The following TNFRSF10C variants were observed in gnomAD, a reference collection of about 807,000 sequenced individuals.
The protein encoded by TNFRSF10C is tumor necrosis factor receptor superfamily member 10C.
In TNFRSF10C, 17 loss-of-function variants were observed where a neutral mutation model predicts 16.7. The ratio of observed to expected loss-of-function variants is 1.02; its 90% confidence interval spans 0.70 to 1.53. The LOEUF (loss-of-function observed/expected upper bound fraction) is 1.53, where lower values mean the gene tolerates loss of function less well. Ranked by LOEUF, TNFRSF10C falls within the 40% of genes most tolerant of loss-of-function variation. TNFRSF10C has a pLI of 0.00. For missense variants in TNFRSF10C, 237 were observed against 329.7 expected (o/e 0.72, Z 2.18); for synonymous variants, 73 against 119.7 (o/e 0.61, Z 2.55).
In TNFRSF10C at chr8:23,114,068, A is replaced by G. The variant is rs1245932037; in HGVS notation, c.167-589A>G. On this transcript the variant is annotated intron_variant, in intron 2 of 4. Transcript: ENST00000356864. The stretch of plus-strand genomic sequence containing the variant: ...ACAAGGTTGGTGGGGCCTCTCGGGG[A>G]TGGTGATTTGGGCTGATATTTAAAG... Among the ~76,000 whole-genome samples, 5 of 152,066 alleles carry G rather than the reference A, an allele frequency of 3.3e-5. No individual in the cohort carries two copies. The South Asian group carries it at 8.3e-4, about 25-fold the overall frequency.
chr8:23,113,235 C>A (rs915299979), intron 2 of TNFRSF10C, among the ~76,000 whole-genome samples: 3 of 152,188 alleles, frequency 2.0e-5, no homozygotes, highest in Admixed American at 2.0e-4. Context: ...TATTGACCCT[C>A]ATTCTGTAGG....
chr8:23,116,551 G>T, intron 4 of TNFRSF10C, 90 bp from the exon 5 acceptor site: 1 of 1,513,918 alleles, frequency 6.6e-7, no homozygotes. Flanking sequence ...ACCTTCTCAG[G>T]GACATTGGAG....
rs150502977 is a variant in TNFRSF10C at position 23,114,707 on chromosome 8, G to A, written c.217G>A (p.Val73Met). Residue 73 changes from valine (V) to methionine (M), a missense_variant, in exon 3 of 5, where the codon GTG (valine) becomes ATG (methionine). Val to Met is a conservative substitution (Grantham distance 21, BLOSUM62 1). Around this residue, in one of 2 missense-constraint regions of TNFRSF10C, gnomAD observed 212 missense variants for 196.8 expected, o/e 1.08. Transcript: ENST00000356864. ...AGCCTGTAACCCGTGCACAGAGGGT[G>A]TGGATTACACCAACGCTTCCAACAA... ...TGACNPCTEG[V>M]DYTNASNNEP... is the part of the protein sequence containing the mutation. 1.6e-4 allele frequency: 260 copies of A among 1,614,128 alleles called. No individual in the cohort carries two copies. In the African/African-American group the frequency reaches 2.7e-3, roughly 17 times the overall value.
Position 23,117,083 on chromosome 8 carries a change from C to T in TNFRSF10C, c.*52C>T, listed in dbSNP as rs756963326. 2.8e-5 allele frequency: 45 copies of T among 1,589,544 alleles called. No homozygotes were observed. Among genetic ancestry groups the T allele is most frequent in the East Asian group, 2.5e-4 (11 of 44,776 alleles). On this transcript the variant is annotated 3_prime_UTR_variant, in exon 5 of 5. Transcript: ENST00000356864. ...TCCTTACCTGAAAGGTTCAGGTAGGCGCTGGCTGAGGGCGGGGGGCGCTGG... is the reference window on the plus strand; with the variant it reads ...TCCTTACCTGAAAGGTTCAGGTAGGTGCTGGCTGAGGGCGGGGGGCGCTGG...
In TNFRSF10C at chr8:23,116,691, TC is replaced by T; in HGVS notation, c.442del (p.Gln148SerfsTer21). 6.2e-7 allele frequency: 1 copy of T among 1,614,090 alleles called. No individual in the cohort carries two copies. Among genetic ancestry groups the T allele is most frequent in the Non-Finnish European group, 8.5e-7 (1 of 1,180,032 alleles). On this transcript the variant is annotated frameshift_variant, in exon 5 of 5. Transcript: ENST00000356864. LOFTEE classifies it low-confidence loss of function (END_TRUNC). ...AGTAATTGTACGTCCTGGGATGATA[TC>T]CAGTGTGTTGAAGAATTTGGTGCCA... ...QVSNCTSWDD[I>X]QCVEEFGANA...
chr8:23,105,628 G>T (rs1362197010), intron 1 of TNFRSF10C, among the ~76,000 whole-genome samples: 1 of 152,188 alleles, frequency 6.6e-6, no homozygotes, highest in African/African-American at 2.4e-5. Context: ...CTCCATCCAG[G>T]TGGCTGCAGA....
chr8:23,116,978 T>C lies in TNFRSF10C; in HGVS notation c.727T>C (p.Cys243Arg). 1 of 1,614,206 alleles carries C rather than the reference T, an allele frequency of 6.2e-7. No homozygotes were observed. Among genetic ancestry groups the C allele is most frequent in the Non-Finnish European group, 8.5e-7 (1 of 1,180,038 alleles). The change falls in exon 5 of 5, where the codon TGC (cysteine) becomes CGC (arginine). Residue 243 changes from cysteine to arginine, a missense_variant. Coordinates refer to ENST00000356864, the MANE Select transcript of TNFRSF10C (RefSeq NM_003841.5). ...GTPASSHYLS[C>R]TIVGIIVLIV... ...TCCTGCCTCTTCTCATTACCTCTCA[T>C]GCACCATCGTAGGGATCATAGTTCT...
At chr8:23,103,282 T>C (rs1347434342) in intron 1 of TNFRSF10C, 101 bp downstream of exon 1, 1 of 1,536,694 alleles carries the variant, frequency 6.5e-7, no homozygotes, top group South Asian at 1.2e-5. Flanking sequence ...CCTGGTCACC[T>C]GCGGCCGGGC....
At chr8:23,108,262 C>T (rs10081590) in intron 1 of TNFRSF10C, among the ~76,000 whole-genome samples, 2,619 of 152,116 alleles carry the variant, frequency 0.017, 71 homozygotes, top group African/African-American at 0.06. Context: ...CAGTACGCAG[C>T]CGGACCGCCT....
At chr8:23,105,286 G>A (rs1374997452) in intron 1 of TNFRSF10C, among the ~76,000 whole-genome samples, 2 of 152,236 alleles carry the variant, frequency 1.3e-5, no homozygotes, top group Non-Finnish European at 1.5e-5. Context: ...TCAGAGGGCT[G>A]TGTTACCAGG....
At chr8:23,104,869 G>A (rs1161563088) in intron 1 of TNFRSF10C, among the ~76,000 whole-genome samples, 1 of 152,160 alleles carries the variant, frequency 6.6e-6, no homozygotes, top group Non-Finnish European at 1.5e-5. Context: ...ACTGAATTCT[G>A]AGCTGTGCAC....
rs1585250401 is a variant in TNFRSF10C, at chr8:23,117,154, A to C, written c.*123A>C. On this transcript the variant is annotated 3_prime_UTR_variant, in exon 5 of 5. Transcript: ENST00000356864. The stretch of plus-strand genomic sequence containing the variant: ...CTCTGCTGTGTTCCCACAGACAGAA[A>C]CGCCTGCCCCTGCCCCAAGTCCTGG... 7.0e-7 allele frequency: 1 copy of C among 1,429,490 alleles called. No homozygotes were observed. Among genetic ancestry groups the C allele is most frequent in the East Asian group, 2.3e-5 (1 of 43,876 alleles). The allele number at this position is 1,429,490 out of a possible 1,614,324, so 88.6% of individuals were successfully genotyped here.
At chr8:23,111,261 C>T (rs1325889620) in intron 1 of TNFRSF10C, among the ~76,000 whole-genome samples, 1 of 151,376 alleles carries the variant, frequency 6.6e-6, no homozygotes, top group Non-Finnish European at 1.5e-5. Context: ...ACTGTCACCA[C>T]ATTGGAGTGC....
intron 1 of TNFRSF10C, among the ~76,000 whole-genome samples, chr8:23,106,232 G>A (rs1563342186): frequency 6.6e-6 from 1 of 152,150 alleles, no homozygotes; most frequent in Non-Finnish European, 1.5e-5. Flanking sequence ...TAACTAATAG[G>A]AGGTAGCATG....
chr8:23,117,253 G>C lies in TNFRSF10C; in HGVS notation c.*222G>C. 1 of 677,070 alleles carries C rather than the reference G, an allele frequency of 1.5e-6. No homozygotes were observed. Among genetic ancestry groups the C allele is most frequent in the Non-Finnish European group, 2.4e-6 (1 of 410,978 alleles). 41.9% of individuals were successfully genotyped at this position (677,070 alleles called of 1,614,324 possible). A position where few individuals can be genotyped will look rare whatever the true frequency, so the allele number is the denominator to read the frequency against. On this transcript the variant is annotated 3_prime_UTR_variant, in exon 5 of 5. Coordinates refer to ENST00000356864, the MANE Select transcript of TNFRSF10C (RefSeq NM_003841.5). ...CATCCCGTGCACCCCCCAGGACCCT[G>C]GTCTCATCAGTCCCTCTCCTGGAGC...
chr8:23,113,542 T>A (rs1339648223), intron 2 of TNFRSF10C, among the ~76,000 whole-genome samples: 1 of 152,260 alleles, frequency 6.6e-6, no homozygotes, highest in East Asian at 1.9e-4. Context: ...CAACACCATT[T>A]ATTGAAGAGC....
rs781750714 is a variant in TNFRSF10C, at chr8:23,114,657, G to C, written c.167G>C (p.Gly56Ala). The C allele has an allele frequency of 6.2e-7, 1 of 1,612,332 alleles. No homozygotes were observed. The highest frequency in any genetic ancestry group is 1.7e-5 in the Admixed American group (1 of 60,000). ...HSFKGEECPA[G>A]SHRSEHTGAC... ...CATTGGCTTTTCTCTTCCTTCCCAG[G>C]ATCTCATAGATCAGAACATACTGGA... is the stretch of plus-strand genomic sequence containing the variant. The change falls in exon 3 of 5, where the codon GGA (glycine) becomes GCA (alanine). Residue 56 changes from glycine (G) to alanine (A), a missense_variant and splice_region_variant. This residue lies in a region of TNFRSF10C where 212 missense variants were observed against 196.8 expected (regional missense o/e 1.08). Transcript: ENST00000356864.
chr8:23,117,118 G>A lies in TNFRSF10C; in HGVS notation c.*87G>A. On this transcript the variant is annotated 3_prime_UTR_variant, in exon 5 of 5. Transcript: ENST00000356864. ...GGGCGGGGGGCGCTGGACACTCTCT[G>A]CCCTGCCTCCCTCTGCTGTGTTCCC... The A allele has an allele frequency of 6.5e-7, 1 of 1,545,270 alleles. No homozygotes were observed. The highest frequency in any genetic ancestry group is 1.4e-5 in the African/African-American group (1 of 73,476).
chr8:23,103,087 G>T lies in TNFRSF10C; in HGVS notation c.-35G>T. 6.2e-7 allele frequency: 1 copy of T among 1,601,754 alleles called. No homozygotes were observed. Among genetic ancestry groups the T allele is most frequent in the Non-Finnish European group, 8.5e-7 (1 of 1,174,800 alleles). On this transcript the variant is annotated 5_prime_UTR_variant, in exon 1 of 5. Transcript: ENST00000356864. ...CCGCCTGATGGCCGAGGCAGGGTGCGACCCAGGACCCAGGACGGCGTCGGG... is the reference window on the plus strand; with the variant it reads ...CCGCCTGATGGCCGAGGCAGGGTGCTACCCAGGACCCAGGACGGCGTCGGG...
Sources: allele counts gnomAD v4.1 joint callset (sites outside exome capture counted in the v4.1 genomes callset), GRCh38; gene constraint gnomAD v4.1.1; regional missense constraint gnomAD v4.1.1; transcripts MANE v1.5; gene names NCBI Gene and HGNC (gene_info 2026-07-23, HGNC 2026-07-21).